Variants in ZIC4 observed in about 807,000 individuals in gnomAD.
ZIC4 encodes zinc finger protein ZIC 4.
ZIC4 carries 15 observed loss-of-function variants against 28.8 expected under a neutral mutation model. That is an observed-to-expected ratio of 0.52 (90% CI 0.35 to 0.80). The LOEUF is 0.80. ZIC4 is among the 30% of genes least tolerant of loss of function. The pLI, the probability that ZIC4 is intolerant of heterozygous loss-of-function variation, is 0.01. For missense variants in ZIC4, 512 were observed against 467.1 expected (o/e 1.10, Z -0.89); for synonymous variants, 220 against 198.1 (o/e 1.11, Z -0.93).
rs1293774236 is a variant in ZIC4, at chr3:147,392,388, T to C, written c.689-1142A>G. On this transcript the variant is annotated intron_variant, in intron 3 of 4. Coordinates refer to ENST00000383075, the MANE Select transcript of ZIC4 (RefSeq NM_032153.6). Reference sequence around the variant, plus strand: ...GCGCGAGTGCACGTTAGAGTGACAATATTGGCCGGACCGAGCCCCAATCGG... The same window carrying C: ...GCGCGAGTGCACGTTAGAGTGACAACATTGGCCGGACCGAGCCCCAATCGG... The C allele has an allele frequency of 6.1e-6, 6 of 985,234 alleles. No individual in the cohort carries two copies. The African/African-American group carries it at 8.7e-5, about 14-fold the overall frequency. The allele number at this position is 985,234 out of a possible 1,614,324, so 61.0% of individuals were successfully genotyped here.
rs921574808 is a variant in ZIC4, at chr3:147,388,875, G to A, written c.*-16C>T. 3 of 779,942 alleles carry A rather than the reference G, an allele frequency of 3.8e-6. No individual in the cohort carries two copies. Among genetic ancestry groups the A allele is most frequent in the Non-Finnish European group, 4.8e-6 (2 of 417,860 alleles). 48.3% of individuals were successfully genotyped at this position (779,942 alleles called of 1,614,324 possible). On this transcript the variant is annotated splice_polypyrimidine_tract_variant and intron_variant, in intron 4 of 4. Coordinates refer to ENST00000383075, the MANE Select transcript of ZIC4 (RefSeq NM_032153.6). ...CGGTGGACATCTGTAACAAGCAAAT[G>A]AAAAATTAAAGGCGATTAGTGGCCG...
chr3:147,397,170 C>T (rs2087066873), intron 2 of ZIC4: 1 of 152,120 alleles, frequency 6.6e-6, no homozygotes, highest in African/African-American at 2.4e-5. Flanking sequence ...ACGCGAAATC[C>T]TGCACACTAC....
At position 147,387,134 on chromosome 3, in the gene ZIC4, T is replaced by C. The variant is rs2086810752; in HGVS notation, c.*1725A>G. The stretch of plus-strand genomic sequence containing the variant: ...CTGCTTGCACCCTCTCTGCATTCTT[T>C]TCCTCATGTCCCAAAGCTTGTCCCG... On this transcript the variant is annotated 3_prime_UTR_variant, in exon 5 of 5. Coordinates refer to ENST00000383075, the MANE Select transcript of ZIC4 (RefSeq NM_032153.6). 6.6e-6 allele frequency: 1 copy of C among 152,214 alleles called. No individual in the cohort carries two copies. Among genetic ancestry groups the C allele is most frequent in the South Asian group, 2.1e-4 (1 of 4,826 alleles). The allele number at this position is 152,214 out of a possible 1,614,324, so 9.4% of individuals were successfully genotyped here. A position where few individuals can be genotyped will look rare whatever the true frequency, so the allele number is the denominator to read the frequency against.
chr3:147,389,343 A>C (rs2086860274), intron 4 of ZIC4: 1 of 154,544 alleles, frequency 6.5e-6, no homozygotes, highest in Non-Finnish European at 1.4e-5. Context: ...GATAGAGCAG[A>C]AGAAAATTCA....
At chr3:147,391,974 A>G (rs1276924326) in intron 3 of ZIC4, 2 of 985,154 alleles carry the variant, frequency 2.0e-6, no homozygotes, top group Non-Finnish European at 2.4e-6. Flanking sequence ...TCTTGCCTAA[A>G]CCTTCCGGGA....
intron 4 of ZIC4, chr3:147,389,218 A>AT (rs1219547211): frequency 3.4e-6 from 1 of 290,970 alleles, no homozygotes; most frequent in South Asian, 8.6e-5. Context: ...GGAAGACTGC[A>AT]TTTTTTATTT....
intron 1 of ZIC4, chr3:147,405,751 G>C: frequency 2.0e-6 from 1 of 505,506 alleles, no homozygotes; most frequent in Non-Finnish European, 3.6e-6. Flanking sequence ...GGAGGGCAAG[G>C]AGCCGCCCTG....
chr3:147,400,015 A>G (rs2087132607), intron 2 of ZIC4, among the ~76,000 whole-genome samples: 1 of 152,184 alleles, frequency 6.6e-6, no homozygotes, highest in African/African-American at 2.4e-5. Context: ...AAAGCTTTGA[A>G]TAACAGTATG....
At chr3:147,402,914 T>G in intron 1 of ZIC4, 102 bp from the exon 2 acceptor site, 1 of 945,422 alleles carries the variant, frequency 1.1e-6, no homozygotes, top group Non-Finnish European at 1.6e-6. Flanking sequence ...AAGGAGTTGA[T>G]CTGAAGATCT....
Position 147,404,082 on chromosome 3 carries a change from C to G in ZIC4, c.-15-1270G>C, listed in dbSNP as rs1386393799. 12 of 1,536,882 alleles carry G rather than the reference C, an allele frequency of 7.8e-6. No homozygotes were observed. The East Asian group carries it at 2.7e-4, about 34-fold the overall frequency. On this transcript the variant is annotated intron_variant, in intron 1 of 4. Coordinates refer to ENST00000383075, the MANE Select transcript of ZIC4 (RefSeq NM_032153.6). ...AGAAAGGAGGCCTAACTTTGCATTC[C>G]TACAGAAGGGCGGCATGCTGGGCGT...
At chr3:147,392,167 T>C in intron 3 of ZIC4, 2 of 985,496 alleles carry the variant, frequency 2.0e-6, no homozygotes, top group Non-Finnish European at 2.4e-6. Context: ...GTTGGCGCGG[T>C]AGGGTCCGCA....
intron 3 of ZIC4, among the ~76,000 whole-genome samples, chr3:147,394,605 G>T (rs1576458636): frequency 6.6e-6 from 1 of 152,078 alleles, no homozygotes; most frequent in East Asian, 1.9e-4. Context: ...GTGACCTACC[G>T]CCCCTTCCCG....
rs780814492 is a variant in ZIC4, at chr3:147,396,509, G to T, written c.71-40C>A. ...AATAGCGCGCATGAGAACGGGTGGC[G>T]TGGGCTGCGCGCTCTTCCCTGGGCC... On this transcript the variant is annotated intron_variant, in intron 2 of 4. Coordinates refer to ENST00000383075, the MANE Select transcript of ZIC4 (RefSeq NM_032153.6). This position sits in a 1 kb window ranked among gnomAD's most constrained non-coding sequence, Gnocchi z 4.2. The T allele has an allele frequency of 6.7e-7, 1 of 1,493,166 alleles. No homozygotes were observed. Among genetic ancestry groups the T allele is most frequent in the Non-Finnish European group, 8.9e-7 (1 of 1,129,422 alleles). The allele number at this position is 1,493,166 out of a possible 1,614,324, so 92.5% of individuals were successfully genotyped here. A position where few individuals can be genotyped will look rare whatever the true frequency, so the allele number is the denominator to read the frequency against.
chr3:147,404,254 C>T (rs534698918), intron 1 of ZIC4: 8 of 1,437,522 alleles, frequency 5.6e-6, no homozygotes, highest in Non-Finnish European at 6.3e-6. Context: ...GCAGCCCCAA[C>T]CCAACTTCTA....
chr3:147,395,936 T>G lies in ZIC4; in HGVS notation c.604A>C (p.Lys202Gln). 6.2e-7 allele frequency: 1 copy of G among 1,614,166 alleles called. No homozygotes were observed. ...CCCGGGAAAGGACAAGGGAAGGGCT[T>G]CTCGCCCGTGTGCACGCGGATGTGA... ...VNHIRVHTGEKPFPCPFPGCG... is the reference protein window; with the variant it reads ...VNHIRVHTGEQPFPCPFPGCG... Residue 202 changes from lysine to glutamine, a missense_variant, in exon 3 of 5, where the codon AAG (lysine) becomes CAG (glutamine). Physicochemically the swap from Lys to Gln is moderately conservative, Grantham distance 53 (BLOSUM62 1). This residue lies in a region of ZIC4 where 58 missense variants were observed against 93.8 expected (regional missense o/e 0.62). Coordinates refer to ENST00000383075, the MANE Select transcript of ZIC4 (RefSeq NM_032153.6).
chr3:147,389,693 G>A (rs954939737), intron 4 of ZIC4, among the ~76,000 whole-genome samples: 2 of 152,082 alleles, frequency 1.3e-5, no homozygotes, highest in South Asian at 2.1e-4. Context: ...TTCATACGCA[G>A]CATATCAAAT....
intron 1 of ZIC4, chr3:147,404,083 T>C: frequency 6.5e-7 from 1 of 1,536,996 alleles, no homozygotes; most frequent in Non-Finnish European, 8.7e-7. Flanking sequence ...TTTGCATTCC[T>C]ACAGAAGGGC....
chr3:147,403,833 T>C (rs1448297086), intron 1 of ZIC4: 1 of 965,002 alleles, frequency 1.0e-6, no homozygotes, highest in Non-Finnish European at 1.5e-6. Context: ...CAGTTCTCTA[T>C]GCACAAAGAT....
At chr3:147,389,369 G>A (rs2086860774) in intron 4 of ZIC4, 2 of 153,452 alleles carry the variant, frequency 1.3e-5, no homozygotes, top group African/African-American at 4.8e-5. Flanking sequence ...GGCAGGGCCA[G>A]GAATTGTTTG....
Sources: allele counts gnomAD v4.1 joint callset (sites outside exome capture counted in the v4.1 genomes callset), GRCh38; gene constraint gnomAD v4.1.1; regional missense constraint gnomAD v4.1.1; non-coding constraint Gnocchi (gnomAD v3.1); transcripts MANE v1.5; gene names NCBI Gene and HGNC (gene_info 2026-07-23, HGNC 2026-07-21).